CAP1: variants seen among roughly 807,000 people sequenced by gnomAD.
CAP1 encodes the protein cyclase associated actin cytoskeleton regulatory protein 1.
CAP1 carries 11 observed loss-of-function variants against 58.2 expected under a neutral mutation model. The observed-to-expected ratio is 0.19, with a 90% CI of 0.12 to 0.31. The LOEUF (loss-of-function observed/expected upper bound fraction) is 0.31, where lower values mean the gene tolerates loss of function less well. Ranked by LOEUF, CAP1 falls within the 10% of genes least tolerant of loss-of-function variation. The pLI, the probability that CAP1 is intolerant of heterozygous loss-of-function variation, is 1.00. For synonymous variants in CAP1, 183 were observed against 213.8 expected (o/e 0.86, Z 1.26); for missense variants, 423 against 587.5 (o/e 0.72, Z 2.89).
chr1:40,043,297 A>G lies in CAP1; in HGVS notation c.-11+2496A>G, dbSNP rs1557669312. ...ACTGAAACCTCCACCTCCCAGGTTC[A>G]AGGAATTCTCCTGCCTCAGCCTCCT... On this transcript the variant is annotated intron_variant, in intron 1 of 12. Transcript: ENST00000372805. Among the ~76,000 whole-genome samples the G allele has an allele frequency of 4.6e-5, 7 of 152,268 alleles. No individual in the cohort carries two copies. The South Asian group carries it at 8.3e-4, about 18-fold the overall frequency.
intron 8 of CAP1, among the ~76,000 whole-genome samples, chr1:40,068,150 T>C (rs1359837081): frequency 6.6e-6 from 1 of 152,234 alleles, no homozygotes; most frequent in East Asian, 1.9e-4. Context: ...CTGGTGGAAG[T>C]CTGAGTTGTC....
Position 40,070,143 on chromosome 1 carries a change from GA to G in CAP1, c.994-15del. On this transcript the variant is annotated splice_polypyrimidine_tract_variant and intron_variant, in intron 9 of 12. Coordinates refer to ENST00000372805, the MANE Select transcript of CAP1 (RefSeq NM_006367.4). ...GTGTGCTTTGTGATGAGAATCCTGG[GA>G]TCTCTCTCTAACAGGAAAATCAGGA... 6.2e-7 allele frequency: 1 copy of G among 1,613,724 alleles called. No homozygotes were observed. Among genetic ancestry groups the G allele is most frequent in the South Asian group, 1.1e-5 (1 of 91,064 alleles).
intron 3 of CAP1, among the ~76,000 whole-genome samples, chr1:40,060,792 T>G (rs904408706): frequency 6.6e-6 from 1 of 151,400 alleles, no homozygotes; most frequent in East Asian, 2.0e-4. Context: ...ACCTAAACCT[T>G]TCTCGAAGAC....
At chr1:40,054,193 C>CTTTTTTT (rs398052925) in intron 1 of CAP1, among the ~76,000 whole-genome samples, 57 of 136,386 alleles carry the variant, frequency 4.2e-4, no homozygotes, top group African/African-American at 1.5e-3. Flanking sequence ...GCCCACTGTT[C>CTTTTTTT]TTTTTTTTTT....
intron 1 of CAP1, among the ~76,000 whole-genome samples, chr1:40,043,378 A>C (rs1645931421): frequency 1.3e-5 from 2 of 151,942 alleles, no homozygotes; most frequent in Non-Finnish European, 2.9e-5. Flanking sequence ...TTGTATTTTT[A>C]GTAGAGACGG....
chr1:40,041,820 A>G (rs1248416239), intron 1 of CAP1, among the ~76,000 whole-genome samples: 1 of 152,204 alleles, frequency 6.6e-6, no homozygotes, highest in South Asian at 2.1e-4. Flanking sequence ...CTCTGAAAGT[A>G]TGTAACAGGG....
chr1:40,070,278 A>G lies in CAP1; in HGVS notation c.1113A>G (p.Thr371=). ...TCAAGGGCAAAATTAACTCCATTACAGTAGGTGAGTCTTTGTCGCTGTCCC... is the reference window on the plus strand; with the variant it reads ...TCAAGGGCAAAATTAACTCCATTACGGTAGGTGAGTCTTTGTCGCTGTCCC... ...LQIKGKINSI[T]VDNCKKLGLV... The change falls in exon 10 of 13, where the codon ACA becomes ACG. Residue 371 remains threonine (T), a synonymous_variant. Transcript: ENST00000372805. The G allele has an allele frequency of 6.2e-7, 1 of 1,614,202 alleles. No homozygotes were observed. The highest frequency in any genetic ancestry group is 1.1e-5 in the South Asian group (1 of 91,086).
At chr1:40,060,417 A>T (rs1646799112) in intron 3 of CAP1, among the ~76,000 whole-genome samples, 1 of 152,180 alleles carries the variant, frequency 6.6e-6, no homozygotes, top group South Asian at 2.1e-4. Context: ...TACATAAAAT[A>T]TGGTTCTGTT....
intron 1 of CAP1, among the ~76,000 whole-genome samples, chr1:40,047,724 G>A (rs989061934): frequency 1.3e-5 from 2 of 152,192 alleles, no homozygotes; most frequent in Non-Finnish European, 2.9e-5. Context: ...TTCTTTGAAC[G>A]TAGGAGAGAA....
intron 4 of CAP1, 77 bp downstream of exon 4, chr1:40,061,889 A>C: frequency 4.5e-6 from 5 of 1,110,356 alleles, no homozygotes; most frequent in Non-Finnish European, 6.9e-6. Flanking sequence ...AGCTATTATA[A>C]CATTTTAAAA....
At chr1:40,068,474 C>T (rs1261121909) in intron 8 of CAP1, among the ~76,000 whole-genome samples, 1 of 151,256 alleles carries the variant, frequency 6.6e-6, no homozygotes, top group Non-Finnish European at 1.5e-5. Flanking sequence ...GATGGGGTTT[C>T]TCCATGTTGG....
intron 1 of CAP1, among the ~76,000 whole-genome samples, chr1:40,049,965 A>G (rs895533112): frequency 3.3e-5 from 5 of 152,156 alleles, no homozygotes; most frequent in Non-Finnish European, 5.9e-5. Flanking sequence ...GGCAGAACCA[A>G]GATTCGTGGG....
intron 8 of CAP1, 50 bp downstream of exon 8, chr1:40,067,767 C>T (rs748869441): frequency 2.2e-6 from 3 of 1,341,958 alleles, no homozygotes; most frequent in South Asian, 2.5e-5. Flanking sequence ...TTGTGTGGGC[C>T]AGACCCCACC....
chr1:40,042,629 C>T (rs1350020411), intron 1 of CAP1, among the ~76,000 whole-genome samples: 1 of 152,120 alleles, frequency 6.6e-6, no homozygotes, highest in Non-Finnish European at 1.5e-5. Flanking sequence ...GATTTTTACC[C>T]TGAAAGCTAT....
chr1:40,070,980 G>C lies in CAP1; in HGVS notation c.1344+1G>C. On this transcript the variant is annotated splice_donor_variant, in intron 12 of 12. Transcript: ENST00000372805. LOFTEE classifies it high-confidence loss of function. Reference sequence around the variant, plus strand: ...CATTCCTACAGAAGGCGGTGACTTTGTAAGTTTCTTGATCTCTTTAGTATG... The same window carrying C: ...CATTCCTACAGAAGGCGGTGACTTTCTAAGTTTCTTGATCTCTTTAGTATG... 6.2e-7 allele frequency: 1 copy of C among 1,608,960 alleles called. No individual in the cohort carries two copies.
chr1:40,067,351 C>A, intron 7 of CAP1, 189 bp from the exon 8 acceptor site: 1 of 487,438 alleles, frequency 2.1e-6, no homozygotes. Context: ...AGAAATAGAA[C>A]TGAGAGCTGG....
intron 1 of CAP1, among the ~76,000 whole-genome samples, chr1:40,044,788 CTTTTTTTTTT>C (rs71060347): frequency 2.6e-4 from 22 of 85,236 alleles, no homozygotes; most frequent in South Asian, 4.5e-4. Flanking sequence ...CCATATAATT[CTTTTTTTTTT>C]TTTTTTTTTT....
intron 1 of CAP1, among the ~76,000 whole-genome samples, chr1:40,055,809 A>G (rs978030638): frequency 6.6e-6 from 1 of 152,188 alleles, no homozygotes; most frequent in Non-Finnish European, 1.5e-5. Context: ...GTGCCCAGCC[A>G]GTATCCTAAC....
At chr1:40,048,112 G>A (rs1363784843) in intron 1 of CAP1, among the ~76,000 whole-genome samples, 3 of 151,644 alleles carry the variant, frequency 2.0e-5, no homozygotes, top group Non-Finnish European at 4.4e-5. Flanking sequence ...TCCGCCTCCC[G>A]GGTTCAAGCA....
Sources: allele counts gnomAD v4.1 joint callset (sites outside exome capture counted in the v4.1 genomes callset), GRCh38; gene constraint gnomAD v4.1.1; transcripts MANE v1.5; gene names NCBI Gene and HGNC (gene_info 2026-07-23, HGNC 2026-07-21).